The following ZRANB3 variants were observed in gnomAD, a reference collection of about 807,000 sequenced individuals.
The protein encoded by ZRANB3 is zinc finger RANBP2-type containing 3.
ZRANB3 carries 125 observed loss-of-function variants against 133.8 expected under a neutral mutation model. The observed-to-expected ratio is 0.93, with a 90% CI of 0.81 to 1.08. The LOEUF is 1.08. Ranked by LOEUF, ZRANB3 falls within the 50% of genes least tolerant of loss-of-function variation. ZRANB3 has a pLI of 0.00. For missense variants in ZRANB3, 1,229 were observed against 1,275.5 expected, an observed-to-expected ratio of 0.96 and a Z score of 0.56; for synonymous variants, 387 against 432.7, an observed-to-expected ratio of 0.89 and a Z score of 1.31.
chr2:135,388,616 T>C (rs1049452742), intron 3 of ZRANB3, among the ~76,000 whole-genome samples: 2 of 152,208 alleles, frequency 1.3e-5, no homozygotes, highest in African/African-American at 4.8e-5. Context: ...ATATATGTTC[T>C]ATACATGTAT....
chr2:135,455,553 T>A (rs1690473706), intron 2 of ZRANB3, among the ~76,000 whole-genome samples: 1 of 149,068 alleles, frequency 6.7e-6, no homozygotes, highest in South Asian at 2.1e-4. Context: ...TCCAAATGAC[T>A]CCATACTACT....
chr2:135,205,347 G>A (rs1422198361), intron 19 of ZRANB3, among the ~76,000 whole-genome samples: 2 of 152,146 alleles, frequency 1.3e-5, no homozygotes, highest in East Asian at 3.9e-4. Context: ...ACAGCTCACT[G>A]CAGCCTTGAC....
chr2:135,471,670 AAAGAT>A (rs1691277992), intron 2 of ZRANB3, among the ~76,000 whole-genome samples: 1 of 152,240 alleles, frequency 6.6e-6, no homozygotes, highest in East Asian at 1.9e-4. Flanking sequence ...CATGGCTACT[AAAGAT>A]AAGTAACAGG....
At chr2:135,291,781 T>G (rs1681752959) in intron 8 of ZRANB3, among the ~76,000 whole-genome samples, 1 of 151,398 alleles carries the variant, frequency 6.6e-6, no homozygotes, top group East Asian at 1.9e-4. Flanking sequence ...GTGTGTGATG[T>G]TCCCCTTCCT....
At chr2:135,524,020 TA>T (rs1694048868) in intron 1 of ZRANB3, among the ~76,000 whole-genome samples, 1 of 152,196 alleles carries the variant, frequency 6.6e-6, no homozygotes, top group Non-Finnish European at 1.5e-5. Context: ...TATCTATATT[TA>T]AAAAGTGATT....
intron 17 of ZRANB3, among the ~76,000 whole-genome samples, chr2:135,212,836 G>A (rs979029851): frequency 6.6e-6 from 1 of 152,190 alleles, no homozygotes; most frequent in African/African-American, 2.4e-5. Context: ...TTTCTGACCT[G>A]CTTTTGAGCT....
chr2:135,525,471 A>G (rs1694112720), intron 1 of ZRANB3, among the ~76,000 whole-genome samples: 1 of 152,156 alleles, frequency 6.6e-6, no homozygotes, highest in African/African-American at 2.4e-5. Flanking sequence ...GGAAGCATAC[A>G]AAGAGAGTGC....
intron 2 of ZRANB3, among the ~76,000 whole-genome samples, chr2:135,412,648 T>C (rs1688360072): frequency 1.3e-5 from 2 of 152,070 alleles, no homozygotes; most frequent in African/African-American, 4.8e-5. Flanking sequence ...ATGTGTGAAA[T>C]AATGGCTCAG....
At chr2:135,511,585 A>G (rs1433128346) in intron 1 of ZRANB3, 11 of 884,146 alleles carry the variant, frequency 1.2e-5, no homozygotes, top group Non-Finnish European at 2.1e-5. Context: ...CTGATTTGCA[A>G]CAGACCCCTC....
At chr2:135,235,042 C>T (rs200877293) in intron 12 of ZRANB3, among the ~76,000 whole-genome samples, 1 of 151,966 alleles carries the variant, frequency 6.6e-6, no homozygotes, top group African/African-American at 2.4e-5. Context: ...AGACCGCTAG[C>T]AGGACTAATA....
At chr2:135,404,685 T>G (rs1687920603) in intron 2 of ZRANB3, among the ~76,000 whole-genome samples, 1 of 152,096 alleles carries the variant, frequency 6.6e-6, no homozygotes, top group African/African-American at 2.4e-5. Flanking sequence ...GAAAAAATGT[T>G]AAGAGCAGCC....
intron 4 of ZRANB3, among the ~76,000 whole-genome samples, chr2:135,350,611 T>C (rs1163799905): frequency 2.0e-5 from 3 of 152,200 alleles, no homozygotes; most frequent in Non-Finnish European, 4.4e-5. Flanking sequence ...GCTACTGGTA[T>C]TTTGAGCAGG....
At chr2:135,320,757 GT>G (rs1326466494) in intron 6 of ZRANB3, among the ~76,000 whole-genome samples, 3 of 152,170 alleles carry the variant, frequency 2.0e-5, no homozygotes, top group Non-Finnish European at 2.9e-5. Flanking sequence ...TCACCCTCTG[GT>G]TTTTTAAAGT....
intron 3 of ZRANB3, chr2:135,355,125 C>A: frequency 4.7e-6 from 3 of 635,510 alleles, no homozygotes; most frequent in Non-Finnish European, 5.9e-6. Flanking sequence ...AGCAAGTTTC[C>A]ATTGAGAAAA....
intron 2 of ZRANB3, among the ~76,000 whole-genome samples, chr2:135,488,179 A>G: frequency 6.6e-6 from 1 of 152,122 alleles, no homozygotes; most frequent in South Asian, 2.1e-4. Flanking sequence ...CACACATAAT[A>G]TTTATCCATT....
At chr2:135,516,757 T>C (rs541842466) in intron 1 of ZRANB3, among the ~76,000 whole-genome samples, 5 of 152,290 alleles carry the variant, frequency 3.3e-5, no homozygotes, top group African/African-American at 1.2e-4. Context: ...GTCTTGTGGT[T>C]GCTCTTCTCA....
At chr2:135,262,762 T>C (rs965837236) in intron 12 of ZRANB3, among the ~76,000 whole-genome samples, 3 of 150,796 alleles carry the variant, frequency 2.0e-5, no homozygotes, top group African/African-American at 4.9e-5. Context: ...ACCTGGGTGA[T>C]AGGCAGAGAG....
rs542647027 is a variant in ZRANB3, at chr2:135,455,716, C to T, written c.161+48613G>A. On this transcript the variant is annotated intron_variant, in intron 2 of 20. Transcript: ENST00000264159. ...ACACCATTCTCCTGCCTCAGCCTCC[C>T]GAGTAGCTCAGACTATAGGCGCCCA... 3.2e-4 allele frequency among the ~76,000 whole-genome samples: 48 copies of T among 151,524 alleles called. 1 individual carries two copies. Among genetic ancestry groups the T allele is most frequent in the African/African-American group, 1.1e-3 (45 of 41,286 alleles).
intron 12 of ZRANB3, among the ~76,000 whole-genome samples, chr2:135,253,820 TATGACTGTA>T (rs1461069558): frequency 1.3e-5 from 2 of 152,204 alleles, no homozygotes; most frequent in Non-Finnish European, 2.9e-5. Flanking sequence ...TTATGTGGTG[TATGACTGTA>T]ATCCATTCCC....
Sources: allele counts gnomAD v4.1 joint callset (sites outside exome capture counted in the v4.1 genomes callset), GRCh38; gene constraint gnomAD v4.1.1; transcripts MANE v1.5; gene names NCBI Gene and HGNC (gene_info 2026-07-23, HGNC 2026-07-21).